The following NEK1 variants were observed in gnomAD, a reference collection of about 807,000 sequenced individuals.
NEK1 encodes the protein serine/threonine-protein kinase Nek1.
NEK1 carries 137 observed loss-of-function variants against 182.1 expected under a neutral mutation model. The ratio of observed to expected loss-of-function variants is 0.75; its 90% CI spans 0.65 to 0.87. The LOEUF (loss-of-function observed/expected upper bound fraction) is 0.87, where lower values mean the gene tolerates loss of function less well. NEK1 is among the 40% of genes least tolerant of loss of function. The pLI is 0.00. For missense variants in NEK1, 1,391 were observed against 1,494.4 expected, an observed-to-expected ratio of 0.93 and a Z score of 1.14; for synonymous variants, 513 against 492.2, an observed-to-expected ratio of 1.04 and a Z score of -0.56.
At chr4:169,593,968 G>A (rs554109863) in intron 5 of NEK1, among the ~76,000 whole-genome samples, 1 of 146,520 alleles carries the variant, frequency 6.8e-6, no homozygotes, top group Admixed American at 6.9e-5. Context: ...CTGTCTGGGC[G>A]ACAGAGTGAG....
Position 169,580,864 on chromosome 4 carries a change from C to G in NEK1, c.846G>C (p.Lys282Asn). 1 of 1,533,976 alleles carries G rather than the reference C, an allele frequency of 6.5e-7. No homozygotes were observed. Among genetic ancestry groups the G allele is most frequent in the Non-Finnish European group, 8.8e-7 (1 of 1,135,948 alleles). The change falls in exon 11 of 36, where the codon AAG becomes AAC. Residue 282 changes from lysine (K) to asparagine (N), a missense_variant. Around this residue, in one of 5 missense-constraint regions of NEK1, gnomAD observed 1,216 missense variants for 1,277.6 expected, o/e 0.95. Transcript: ENST00000507142. ...AEEFCLKTFS[K>N]FGSQPIPAKR... ...TACCTGGTATAGGCTGTGATCCAAA[C>G]TTCGAAAATGTTTTTAGACAAAATT...
At chr4:169,461,431 C>T (rs7666461) in intron 27 of NEK1, among the ~76,000 whole-genome samples, 43,171 of 151,890 alleles carry the variant, frequency 0.28, 8,769 homozygotes, top group African/African-American at 0.58. Context: ...GGTCCCAAAA[C>T]TGCTTATTGT....
intron 27 of NEK1, among the ~76,000 whole-genome samples, chr4:169,444,927 T>C (rs1037497227): frequency 6.6e-6 from 1 of 152,122 alleles, no homozygotes; most frequent in African/African-American, 2.4e-5. Flanking sequence ...TGAAGAAAAC[T>C]AGAAATCAAT....
At chr4:169,430,971 A>C (rs1017416628) in intron 29 of NEK1, among the ~76,000 whole-genome samples, 1 of 152,122 alleles carries the variant, frequency 6.6e-6, no homozygotes, top group Non-Finnish European at 1.5e-5. Flanking sequence ...CCAATACAGC[A>C]AAAGACTAAA....
intron 6 of NEK1, among the ~76,000 whole-genome samples, chr4:169,589,757 A>G (rs553355087): frequency 6.6e-6 from 1 of 152,288 alleles, no homozygotes; most frequent in South Asian, 2.1e-4. Context: ...CATAGGAATA[A>G]ATCTTCATGC....
intron 23 of NEK1, among the ~76,000 whole-genome samples, chr4:169,488,432 TC>T (rs1279434016): frequency 6.6e-6 from 1 of 152,176 alleles, no homozygotes; most frequent in Non-Finnish European, 1.5e-5. Context: ...AAATAGGAAA[TC>T]CTTTCCCTAT....
chr4:169,426,026 T>C, intron 30 of NEK1, 120 bp downstream of exon 30: 1 of 701,698 alleles, frequency 1.4e-6, no homozygotes, highest in Non-Finnish European at 2.4e-6. Flanking sequence ...ATTTTTTAAA[T>C]GATTGAGATG....
intron 19 of NEK1, among the ~76,000 whole-genome samples, chr4:169,529,988 T>A (rs1005827849): frequency 1.3e-5 from 2 of 152,088 alleles, no homozygotes; most frequent in African/African-American, 4.8e-5. Context: ...AAAGAGTTTT[T>A]AAAAAATCAA....
intron 10 of NEK1, among the ~76,000 whole-genome samples, chr4:169,582,258 G>A (rs1056905054): frequency 3.9e-5 from 6 of 151,980 alleles, no homozygotes; most frequent in African/African-American, 1.5e-4. Context: ...ATGATCTGAG[G>A]GGGTTGTTTT....
At chr4:169,426,435 AT>A (rs1204117741) in intron 29 of NEK1, among the ~76,000 whole-genome samples, 4 of 152,228 alleles carry the variant, frequency 2.6e-5, no homozygotes, top group Admixed American at 2.6e-4. Context: ...CCAAATAGTA[AT>A]CATTCACAGC....
chr4:169,492,522 G>T (rs1750302686), intron 23 of NEK1, among the ~76,000 whole-genome samples: 1 of 152,206 alleles, frequency 6.6e-6, no homozygotes, highest in Non-Finnish European at 1.5e-5. Flanking sequence ...GCCCTTGCAA[G>T]CCAGGGCAAC....
intron 19 of NEK1, among the ~76,000 whole-genome samples, chr4:169,533,868 GA>G (rs1409431743): frequency 1.9e-4 from 29 of 152,326 alleles, no homozygotes; most frequent in African/African-American, 6.7e-4. Flanking sequence ...TAGAATTGAA[GA>G]TAAGTACTCA....
At chr4:169,418,518 G>A (rs535611414) in intron 31 of NEK1, among the ~76,000 whole-genome samples, 1 of 152,216 alleles carries the variant, frequency 6.6e-6, no homozygotes, top group East Asian at 1.9e-4. Context: ...TTTTAATGGA[G>A]TATTAAAGGA....
intron 31 of NEK1, among the ~76,000 whole-genome samples, chr4:169,418,679 G>A (rs1204493074): frequency 6.6e-6 from 1 of 151,916 alleles, no homozygotes; most frequent in Non-Finnish European, 1.5e-5. Flanking sequence ...CATACTAATA[G>A]AATTTATCCA....
At chr4:169,567,289 G>A (rs1454478005) in intron 12 of NEK1, among the ~76,000 whole-genome samples, 3 of 150,396 alleles carry the variant, frequency 2.0e-5, no homozygotes, top group Admixed American at 6.6e-5. Context: ...TTTTCATTGT[G>A]GTAAAATACA....
chr4:169,421,901 CTT>C (rs1033956974), intron 31 of NEK1, among the ~76,000 whole-genome samples: 35 of 152,088 alleles, frequency 2.3e-4, no homozygotes, highest in African/African-American at 7.5e-4. Context: ...ACCAATTTGA[CTT>C]TATAGACATT....
chr4:169,407,415 C>T lies in NEK1; in HGVS notation c.3223-668G>A, dbSNP rs543043654. Among the ~76,000 whole-genome samples the T allele has an allele frequency of 5.9e-5, 9 of 152,266 alleles. No homozygotes were observed. In the South Asian group the frequency reaches 6.2e-4, roughly 11 times the overall value. On this transcript the variant is annotated intron_variant, in intron 31 of 35. Transcript: ENST00000507142. Reference sequence around the variant, plus strand: ...GAGAAGCCTATCAGTGCTTCCCTGACCATGGGACTGTGAGTGGAACCTTTC... The same window carrying T: ...GAGAAGCCTATCAGTGCTTCCCTGATCATGGGACTGTGAGTGGAACCTTTC...
intron 19 of NEK1, among the ~76,000 whole-genome samples, chr4:169,534,236 C>T (rs1008160207): frequency 3.9e-5 from 6 of 152,170 alleles, no homozygotes; most frequent in African/African-American, 1.4e-4. Context: ...AAATGGTTTT[C>T]AAACACTGGA....
intron 27 of NEK1, among the ~76,000 whole-genome samples, chr4:169,453,744 C>A (rs1300946555): frequency 2.0e-5 from 3 of 152,178 alleles, no homozygotes; most frequent in Admixed American, 6.5e-5. Flanking sequence ...AATTTAATAT[C>A]TATAGAAACA....
Sources: allele counts gnomAD v4.1 joint callset (sites outside exome capture counted in the v4.1 genomes callset), GRCh38; gene constraint gnomAD v4.1.1; regional missense constraint gnomAD v4.1.1; transcripts MANE v1.5; gene names NCBI Gene and HGNC (gene_info 2026-07-23, HGNC 2026-07-21).